The following KCNMB2 variants were observed in gnomAD, a reference collection of about 807,000 sequenced individuals.
KCNMB2 encodes the protein calcium-activated potassium channel subunit beta-2.
In KCNMB2, 9 loss-of-function variants were observed where a neutral mutation model predicts 24.5. The ratio of observed to expected loss-of-function variants is 0.37; its 90% CI spans 0.22 to 0.64. The LOEUF (loss-of-function observed/expected upper bound fraction) is 0.64, where lower values mean the gene tolerates loss of function less well. Among genes scored for constraint, KCNMB2 ranks in the 30% least tolerant of loss-of-function variants. The pLI, the probability that KCNMB2 is intolerant of heterozygous loss-of-function variation, is 0.63. For missense variants in KCNMB2, 226 were observed against 284.3 expected, an observed-to-expected ratio of 0.79 and a Z score of 1.47; for synonymous variants, 109 against 104.4, an observed-to-expected ratio of 1.04 and a Z score of -0.27.
chr3:178,759,256 C>T (rs1711559994), intron 1 of KCNMB2, among the ~76,000 whole-genome samples: 1 of 109,596 alleles, frequency 9.1e-6, no homozygotes, highest in Non-Finnish European at 1.8e-5. Flanking sequence ...TATATCTCTC[C>T]AAGAAGAGAC....
intron 1 of KCNMB2, among the ~76,000 whole-genome samples, chr3:178,784,085 T>C (rs890299995): frequency 6.6e-6 from 1 of 152,224 alleles, no homozygotes; most frequent in African/African-American, 2.4e-5. Flanking sequence ...ACTGTCTCTA[T>C]TGGCTGCTAT....
intron 1 of KCNMB2, among the ~76,000 whole-genome samples, chr3:178,624,003 CA>C (rs935201436): frequency 1.3e-5 from 2 of 152,312 alleles, no homozygotes; most frequent in African/African-American, 4.8e-5. Flanking sequence ...TTACATCAGA[CA>C]CAGCTGCCCC....
chr3:178,760,675 A>G (rs1027764841), intron 1 of KCNMB2, among the ~76,000 whole-genome samples: 2 of 151,770 alleles, frequency 1.3e-5, no homozygotes, highest in Non-Finnish European at 2.9e-5. Context: ...GAAGAAACAA[A>G]GATGCAGTCG....
intron 1 of KCNMB2, among the ~76,000 whole-genome samples, chr3:178,613,809 G>A (rs1210350692): frequency 6.6e-6 from 1 of 151,920 alleles, no homozygotes; most frequent in East Asian, 1.9e-4. Context: ...AGTCTTCTTT[G>A]GGTTAAATCT....
chr3:178,807,927 T>A (rs1016789044), intron 2 of KCNMB2, among the ~76,000 whole-genome samples: 80 of 151,356 alleles, frequency 5.3e-4, no homozygotes, highest in African/African-American at 1.8e-3. Flanking sequence ...TATAATATAA[T>A]TAATAAAATA....
At chr3:178,841,576 C>T (rs1715431200) in intron 4 of KCNMB2, 1 of 152,200 alleles carries the variant, frequency 6.6e-6, no homozygotes, top group Non-Finnish European at 1.5e-5. Flanking sequence ...CCTCAGGGAA[C>T]TTACAGTCAT....
At position 178,842,742 on chromosome 3, in the gene KCNMB2, C is replaced by A; in HGVS notation, c.513C>A (p.His171Gln). ...TGGAAAACTTCAGGAAGTATCAACA[C>A]TTCTCCTGCTATTCTGACCCAGAAG... is the stretch of plus-strand genomic sequence containing the variant. ...VVMENFRKYQ[H>Q]FSCYSDPEGN... Residue 171 changes from histidine to glutamine, a missense_variant, in exon 5 of 5, where the codon CAC becomes CAA. Physicochemically the swap from His to Gln is conservative, Grantham distance 24. Coordinates refer to ENST00000452583, the MANE Select transcript of KCNMB2 (RefSeq NM_181361.3). The A allele has an allele frequency of 6.2e-7, 1 of 1,613,338 alleles. No individual in the cohort carries two copies. Among genetic ancestry groups the A allele is most frequent in the East Asian group, 2.2e-5 (1 of 44,878 alleles).
At chr3:178,778,602 T>C (rs1300396871) in intron 1 of KCNMB2, among the ~76,000 whole-genome samples, 3 of 152,132 alleles carry the variant, frequency 2.0e-5, no homozygotes, top group African/African-American at 7.2e-5. Context: ...CTGAACCATC[T>C]TTCACCCTGA....
chr3:178,678,407 T>C (rs1721145208), intron 1 of KCNMB2, among the ~76,000 whole-genome samples: 1 of 152,230 alleles, frequency 6.6e-6, no homozygotes, highest in Admixed American at 6.5e-5. Flanking sequence ...ACTTTATTTT[T>C]ATTTTACACA....
intron 1 of KCNMB2, among the ~76,000 whole-genome samples, chr3:178,786,896 C>A (rs1713124115): frequency 6.6e-6 from 1 of 150,588 alleles, no homozygotes; most frequent in East Asian, 1.9e-4. Flanking sequence ...TAACCAAAGA[C>A]AGATTATAAG....
intron 1 of KCNMB2, among the ~76,000 whole-genome samples, chr3:178,725,552 C>A (rs138884866): frequency 6.6e-6 from 1 of 151,976 alleles, no homozygotes; most frequent in African/African-American, 2.4e-5. Context: ...TTTCTATACA[C>A]GTGATATCTT....
chr3:178,629,364 G>A (rs762275140), intron 1 of KCNMB2, among the ~76,000 whole-genome samples: 1 of 152,202 alleles, frequency 6.6e-6, no homozygotes, highest in African/African-American at 2.4e-5. Flanking sequence ...AGGGAAAAAG[G>A]AGGTGATTCC....
rs1463294379 is a variant in KCNMB2 at position 178,568,743 on chromosome 3, TGATAGATAGATAGATGATA to T, written c.-68+32044_-68+32062del. ...GGAATGTGTAGAGAAATCTTTAAGA[TGATAGATAGATAGATGATA>T]GATAGATAGATGATAGATAGATAGA... is the stretch of plus-strand genomic sequence containing the variant. On this transcript the variant is annotated intron_variant, in intron 1 of 4. Coordinates refer to ENST00000452583, the MANE Select transcript of KCNMB2 (RefSeq NM_181361.3). Among the ~76,000 whole-genome samples, 221 of 144,278 alleles carry T rather than the reference TGATAGATAGATAGATGATA, an allele frequency of 1.5e-3. 2 individuals carry two copies. The highest frequency in any genetic ancestry group is 5.3e-3 in the African/African-American group (210 of 39,750). 94.7% of individuals were successfully genotyped at this position (144,278 alleles called of 152,430 possible). A position where few individuals can be genotyped will look rare whatever the true frequency, so the allele number is the denominator to read the frequency against.
In KCNMB2 at chr3:178,843,261, A is replaced by G; in HGVS notation, c.*324A>G. ...TCGTGGAGGAATGTAGGTGACATCA[A>G]TGTGATAAAGTCTGTGTTCTGAGTT... On this transcript the variant is annotated 3_prime_UTR_variant, in exon 5 of 5. Coordinates refer to ENST00000452583, the MANE Select transcript of KCNMB2 (RefSeq NM_181361.3). The G allele has an allele frequency of 1.5e-5, 7 of 478,908 alleles. No individual in the cohort carries two copies. Among genetic ancestry groups the G allele is most frequent in the South Asian group, 9.3e-5 (6 of 64,690 alleles). The allele number at this position is 478,908 out of a possible 1,614,324, so 29.7% of individuals were successfully genotyped here.
intron 1 of KCNMB2, among the ~76,000 whole-genome samples, chr3:178,619,172 TAC>T (rs1430760742): frequency 6.6e-6 from 1 of 152,190 alleles, no homozygotes; most frequent in South Asian, 2.1e-4. Context: ...TTGAAGAATT[TAC>T]AGTCTAGTAG....
At chr3:178,685,627 T>C (rs914497738) in intron 1 of KCNMB2, among the ~76,000 whole-genome samples, 1 of 152,226 alleles carries the variant, frequency 6.6e-6, no homozygotes, top group Non-Finnish European at 1.5e-5. Context: ...CATCATCCTA[T>C]TGCCTTGAAG....
chr3:178,696,261 C>T (rs1227033037), intron 1 of KCNMB2, among the ~76,000 whole-genome samples: 1 of 152,184 alleles, frequency 6.6e-6, no homozygotes, highest in African/African-American at 2.4e-5. Context: ...CCTCCCATGA[C>T]CTGTGGGGAT....
At chr3:178,578,843 A>G (rs1717092398) in intron 1 of KCNMB2, among the ~76,000 whole-genome samples, 1 of 152,250 alleles carries the variant, frequency 6.6e-6, no homozygotes, top group African/African-American at 2.4e-5. Flanking sequence ...ATATATATGC[A>G]CCCAATACAG....
chr3:178,819,910 A>AT (rs1425848833), intron 2 of KCNMB2, among the ~76,000 whole-genome samples: 3 of 152,176 alleles, frequency 2.0e-5, no homozygotes, highest in African/African-American at 7.2e-5. Context: ...CAAGAAAGGC[A>AT]TATTTATAAA....
Sources: allele counts gnomAD v4.1 joint callset (sites outside exome capture counted in the v4.1 genomes callset), GRCh38; gene constraint gnomAD v4.1.1; transcripts MANE v1.5; gene names NCBI Gene and HGNC (gene_info 2026-07-23, HGNC 2026-07-21).